EXOC6B: variants seen among roughly 807,000 people sequenced by gnomAD.
The protein encoded by EXOC6B is SEC15 homolog B.
In EXOC6B, 54 loss-of-function variants were observed where a neutral mutation model predicts 113.5. The observed-to-expected ratio is 0.48, with a 90% CI of 0.38 to 0.60. EXOC6B has a LOEUF of 0.60. Among genes scored for constraint, EXOC6B ranks in the 20% least tolerant of loss-of-function variants. The pLI, the probability that EXOC6B is intolerant of heterozygous loss-of-function variation, is 0.00. For missense variants in EXOC6B, 797 were observed against 977.5 expected (o/e 0.82, Z 2.46); for synonymous variants, 357 against 339.0 (o/e 1.05, Z -0.58).
chr2:72,646,519 T>C (rs549324556), intron 6 of EXOC6B, among the ~76,000 whole-genome samples: 4 of 152,192 alleles, frequency 2.6e-5, no homozygotes, highest in Non-Finnish European at 5.9e-5. Flanking sequence ...TTTAGACCAA[T>C]ATCCCTGATG....
At chr2:72,405,125 A>T (rs546547143) in intron 18 of EXOC6B, among the ~76,000 whole-genome samples, 1 of 152,212 alleles carries the variant, frequency 6.6e-6, no homozygotes, top group East Asian at 1.9e-4. Context: ...AGATGAAATG[A>T]ATGAAATGAA....
At chr2:72,800,587 A>T (rs1685222566) in intron 1 of EXOC6B, among the ~76,000 whole-genome samples, 1 of 152,194 alleles carries the variant, frequency 6.6e-6, no homozygotes, top group Non-Finnish European at 1.5e-5. Context: ...ATCATTTCTC[A>T]CAACAGCCTT....
intron 1 of EXOC6B, among the ~76,000 whole-genome samples, chr2:72,757,479 G>A (rs1307527699): frequency 6.6e-6 from 1 of 152,190 alleles, no homozygotes; most frequent in African/African-American, 2.4e-5. Flanking sequence ...CCTAGCAACA[G>A]CTATCTCCCC....
chr2:72,289,790 T>C (rs1685672838), intron 20 of EXOC6B, among the ~76,000 whole-genome samples: 1 of 152,106 alleles, frequency 6.6e-6, no homozygotes, highest in Admixed American at 6.6e-5. Context: ...CTGTAGTCCC[T>C]GAGGCTGAGG....
At chr2:72,277,321 C>T (rs1468009334) in intron 20 of EXOC6B, among the ~76,000 whole-genome samples, 1 of 152,014 alleles carries the variant, frequency 6.6e-6, no homozygotes, top group Non-Finnish European at 1.5e-5. Context: ...CTGGTTAAAC[C>T]ACCCAGACAC....
chr2:72,613,963 T>A (rs1054655664), intron 6 of EXOC6B, among the ~76,000 whole-genome samples: 8 of 152,208 alleles, frequency 5.3e-5, no homozygotes, highest in Admixed American at 3.3e-4. Flanking sequence ...AAAAATAAAT[T>A]TTTTTTGCAA....
At chr2:72,815,087 C>T (rs564955881) in intron 1 of EXOC6B, among the ~76,000 whole-genome samples, 3 of 152,180 alleles carry the variant, frequency 2.0e-5, no homozygotes, top group Non-Finnish European at 4.4e-5. Flanking sequence ...TTCTTAAAAA[C>T]AATGGTTTAT....
At chr2:72,228,118 T>C (rs941421066) in intron 20 of EXOC6B, among the ~76,000 whole-genome samples, 1 of 152,140 alleles carries the variant, frequency 6.6e-6, no homozygotes, top group Non-Finnish European at 1.5e-5. Context: ...GTTTTGGTCA[T>C]TTAGGCAAAG....
In EXOC6B at chr2:72,496,548, TC is replaced by T; in HGVS notation, c.1348del (p.Asp450IlefsTer10). ...TGGTATAGGACTGTAGTTGTCAGAA[TC>T]AAGTATGTTTCTATAAATGGAAGGA... is the stretch of plus-strand genomic sequence containing the variant. The part of the protein sequence containing the change: ...KWAGIFRNIL[D>X]SDNYSPIPVT... On this transcript the variant is annotated frameshift_variant, in exon 14 of 22. Coordinates refer to ENST00000272427, the MANE Select transcript of EXOC6B (RefSeq NM_015189.3). LOFTEE classifies it high-confidence loss of function. 6.3e-7 allele frequency: 1 copy of T among 1,580,068 alleles called. No homozygotes were observed. The highest frequency in any genetic ancestry group is 8.6e-7 in the Non-Finnish European group (1 of 1,158,154).
intron 19 of EXOC6B, among the ~76,000 whole-genome samples, chr2:72,350,861 T>C (rs1279189649): frequency 6.6e-6 from 1 of 152,206 alleles, no homozygotes; most frequent in Non-Finnish European, 1.5e-5. Flanking sequence ...TTAAGGAATA[T>C]CTCAAGTGCC....
intron 20 of EXOC6B, among the ~76,000 whole-genome samples, chr2:72,190,186 T>C (rs1678739056): frequency 1.3e-5 from 2 of 151,756 alleles, no homozygotes; most frequent in Non-Finnish European, 2.9e-5. Context: ...CACACACCAC[T>C]ATGACCAGGT....
chr2:72,284,814 C>A (rs1685327764), intron 20 of EXOC6B, among the ~76,000 whole-genome samples: 1 of 151,892 alleles, frequency 6.6e-6, no homozygotes, highest in African/African-American at 2.4e-5. Context: ...AAAAATTATT[C>A]ACTTACCTAT....
chr2:72,183,127 G>T (rs1678198475), intron 21 of EXOC6B, among the ~76,000 whole-genome samples: 1 of 152,000 alleles, frequency 6.6e-6, no homozygotes, highest in Non-Finnish European at 1.5e-5. Flanking sequence ...CTCTCCTTCT[G>T]CTTAAGGCTC....
At chr2:72,410,702 T>C (rs1235166381) in intron 18 of EXOC6B, among the ~76,000 whole-genome samples, 1 of 152,238 alleles carries the variant, frequency 6.6e-6, no homozygotes, top group East Asian at 1.9e-4. Flanking sequence ...GAAGCTAATT[T>C]TAATTTTACT....
chr2:72,290,718 C>A (rs1558526623), intron 20 of EXOC6B, among the ~76,000 whole-genome samples: 1 of 151,808 alleles, frequency 6.6e-6, no homozygotes, highest in Non-Finnish European at 1.5e-5. Flanking sequence ...TTAATATTCA[C>A]AATTAAAAAC....
chr2:72,435,917 T>C (rs1695835868), intron 18 of EXOC6B, among the ~76,000 whole-genome samples: 1 of 152,226 alleles, frequency 6.6e-6, no homozygotes, highest in African/African-American at 2.4e-5. Context: ...AATATTGTTA[T>C]GTGTGAATTT....
chr2:72,581,782 C>T (rs1458111417), intron 6 of EXOC6B, among the ~76,000 whole-genome samples: 1 of 152,138 alleles, frequency 6.6e-6, no homozygotes, highest in Non-Finnish European at 1.5e-5. Flanking sequence ...CCACTGGATT[C>T]TCCTTCAGCA....
At chr2:72,459,300 A>G (rs1237828615) in intron 18 of EXOC6B, among the ~76,000 whole-genome samples, 2 of 152,240 alleles carry the variant, frequency 1.3e-5, no homozygotes, top group African/African-American at 4.8e-5. Flanking sequence ...GGCACAAGAC[A>G]GGGATGCCCT....
intron 20 of EXOC6B, among the ~76,000 whole-genome samples, chr2:72,262,086 C>A (rs1289614863): frequency 6.6e-6 from 1 of 152,082 alleles, no homozygotes; most frequent in Non-Finnish European, 1.5e-5. Context: ...AATAACCTAT[C>A]AGTTAGAAAA....
Sources: allele counts gnomAD v4.1 joint callset (sites outside exome capture counted in the v4.1 genomes callset), GRCh38; gene constraint gnomAD v4.1.1; transcripts MANE v1.5; gene names NCBI Gene and HGNC (gene_info 2026-07-23, HGNC 2026-07-21).